LRRTM4: variants seen among roughly 807,000 people sequenced by gnomAD.
LRRTM4 encodes the protein leucine-rich repeat transmembrane neuronal protein 4.
In LRRTM4, 25 loss-of-function variants were observed where a neutral mutation model predicts 47.6. The observed-to-expected ratio is 0.53, with a 90% CI of 0.38 to 0.73. The LOEUF (loss-of-function observed/expected upper bound fraction) is 0.73, where lower values mean the gene tolerates loss of function less well. Among genes scored for constraint, LRRTM4 ranks in the 30% least tolerant of loss-of-function variants. The pLI is 0.00. For missense variants in LRRTM4, 638 were observed against 713.4 expected (o/e 0.89, Z 1.20); for synonymous variants, 311 against 269.5 (o/e 1.15, Z -1.51).
chr2:77,439,084 G>C (rs1195904627), intron 3 of LRRTM4, among the ~76,000 whole-genome samples: 1 of 152,188 alleles, frequency 6.6e-6, no homozygotes, highest in African/African-American at 2.4e-5. Flanking sequence ...AACTAGGACA[G>C]AGCAGTGTAA....
intron 3 of LRRTM4, among the ~76,000 whole-genome samples, chr2:77,115,179 C>T (rs145332759): frequency 6.2e-4 from 94 of 152,264 alleles, no homozygotes; most frequent in African/African-American, 2.1e-3. Flanking sequence ...TGATATTTCT[C>T]CTACTTGCAT....
At chr2:77,427,339 T>A (rs1369999051) in intron 3 of LRRTM4, among the ~76,000 whole-genome samples, 4 of 152,234 alleles carry the variant, frequency 2.6e-5, no homozygotes, top group African/African-American at 9.6e-5. Flanking sequence ...CTGAGAAAAA[T>A]TTGTTGAAAA....
intron 3 of LRRTM4, among the ~76,000 whole-genome samples, chr2:77,457,019 T>C (rs1676582284): frequency 5.7e-5 from 1 of 17,652 alleles, no homozygotes; most frequent in Non-Finnish European, 1.2e-4. Context: ...TATATATATA[T>C]ATATATATAT....
intron 3 of LRRTM4, among the ~76,000 whole-genome samples, chr2:77,363,139 C>T (rs1672305804): frequency 6.6e-6 from 1 of 152,156 alleles, no homozygotes. Flanking sequence ...ATATTCTTAA[C>T]TACAGTGTTA....
chr2:77,419,537 T>C (rs775718480), intron 3 of LRRTM4, among the ~76,000 whole-genome samples: 1 of 152,204 alleles, frequency 6.6e-6, no homozygotes, highest in South Asian at 2.1e-4. Context: ...TTATACTGTA[T>C]TGCTTAGGAA....
chr2:77,095,740 C>A (rs1670794241), intron 3 of LRRTM4, among the ~76,000 whole-genome samples: 1 of 152,032 alleles, frequency 6.6e-6, no homozygotes, highest in Non-Finnish European at 1.5e-5. Context: ...CGACTCCTGA[C>A]CTTCAGGTCA....
At chr2:77,218,666 TC>T (rs1228739453) in intron 3 of LRRTM4, among the ~76,000 whole-genome samples, 3 of 152,164 alleles carry the variant, frequency 2.0e-5, no homozygotes, top group Non-Finnish European at 4.4e-5. Flanking sequence ...AAGACTATGA[TC>T]CTTCCTTGGT....
At chr2:77,136,897 G>A (rs2103989252) in intron 3 of LRRTM4, among the ~76,000 whole-genome samples, 1 of 151,968 alleles carries the variant, frequency 6.6e-6, no homozygotes, top group East Asian at 1.9e-4. Flanking sequence ...TCAAATGAAT[G>A]AAATGAAGTG....
At chr2:77,437,510 T>C (rs1284737005) in intron 3 of LRRTM4, among the ~76,000 whole-genome samples, 1 of 152,024 alleles carries the variant, frequency 6.6e-6, no homozygotes, top group East Asian at 1.9e-4. Context: ...GGGCATAACC[T>C]TTTCATATAA....
intron 3 of LRRTM4, among the ~76,000 whole-genome samples, chr2:77,476,964 A>ATGTGTG (rs59247356): frequency 0.03 from 4,272 of 143,838 alleles, 285 homozygotes; most frequent in East Asian, 0.29. Context: ...TTTGTAAGAG[A>ATGTGTG]TGTGTGTGTG....
intron 3 of LRRTM4, among the ~76,000 whole-genome samples, chr2:76,986,217 T>C (rs1293688244): frequency 2.0e-5 from 3 of 150,126 alleles, no homozygotes; most frequent in Non-Finnish European, 2.9e-5. Flanking sequence ...TTCTGAAGAG[T>C]GTGCATTTAA....
At chr2:77,103,967 TC>T (rs1203781145) in intron 3 of LRRTM4, among the ~76,000 whole-genome samples, 2 of 152,122 alleles carry the variant, frequency 1.3e-5, no homozygotes, top group African/African-American at 4.8e-5. Context: ...TCCCTGGATT[TC>T]AAACTCAATC....
chr2:77,068,745 C>T lies in LRRTM4; in HGVS notation c.1552-319829G>A, dbSNP rs142752804. 5.8e-3 allele frequency among the ~76,000 whole-genome samples: 890 copies of T among 152,202 alleles called. 9 individuals are homozygous for T. The highest frequency in any genetic ancestry group is 0.021 in the African/African-American group (854 of 41,524). On this transcript the variant is annotated intron_variant, in intron 3 of 3. Coordinates refer to ENST00000409884, the MANE Select transcript of LRRTM4 (RefSeq NM_001134745.3). ...CATTTGAGGTGTGTTGGGAACAGGC[C>T]CCCCAAAATCTGGCCATAAACTGGC...
rs181445403 is a variant in LRRTM4 at position 76,932,286 on chromosome 2, C to T, written c.1552-183370G>A. Among the ~76,000 whole-genome samples the T allele has an allele frequency of 4.2e-3, 646 of 152,232 alleles. 3 individuals are homozygous for T. Among genetic ancestry groups the T allele is most frequent in the Admixed American group, 5.7e-3 (87 of 15,284 alleles). ...TGCTTATGTGTACCAAAAACAGGTT[C>T]TACCATTATTTGAGTGATCAAAGCA... On this transcript the variant is annotated intron_variant, in intron 3 of 3. Coordinates refer to ENST00000409884, the MANE Select transcript of LRRTM4 (RefSeq NM_001134745.3).
chr2:76,870,575 C>G (rs1672595449), intron 3 of LRRTM4, among the ~76,000 whole-genome samples: 1 of 152,106 alleles, frequency 6.6e-6, no homozygotes, highest in Admixed American at 6.6e-5. Flanking sequence ...TGTATAGTGT[C>G]TTGATTCTAT....
chr2:77,131,219 G>A (rs955502872), intron 3 of LRRTM4, among the ~76,000 whole-genome samples: 3 of 152,180 alleles, frequency 2.0e-5, no homozygotes, highest in Non-Finnish European at 2.9e-5. Flanking sequence ...AAACAAAGCC[G>A]CAAGTAAATG....
intron 3 of LRRTM4, among the ~76,000 whole-genome samples, chr2:77,228,490 T>C (rs537150920): frequency 1.3e-5 from 2 of 152,248 alleles, no homozygotes; most frequent in African/African-American, 4.8e-5. Context: ...AAGCTGAGAT[T>C]CAGCCTTCTT....
At chr2:77,347,923 C>T (rs1047219716) in intron 3 of LRRTM4, among the ~76,000 whole-genome samples, 4 of 151,618 alleles carry the variant, frequency 2.6e-5, no homozygotes, top group Admixed American at 2.0e-4. Context: ...ATTAATGATG[C>T]TTGAACCGTG....
chr2:77,244,341 G>A (rs1017070609), intron 3 of LRRTM4, among the ~76,000 whole-genome samples: 8 of 151,170 alleles, frequency 5.3e-5, no homozygotes, highest in South Asian at 2.1e-4. Flanking sequence ...CTGAGGAATC[G>A]CCACACTGAC....
Sources: gnomAD v4.1 joint callset for allele counts (sites outside exome capture counted in the v4.1 genomes callset) on GRCh38, gnomAD v4.1.1 for gene constraint, MANE v1.5 for transcripts, NCBI Gene and HGNC (gene_info 2026-07-23, HGNC 2026-07-21) for gene names.